Variants in UGT1A7 observed in about 807,000 individuals in gnomAD.
UGT1A7 encodes UDP glucuronosyltransferase family 1 member A7.
UGT1A7 carries 33 observed loss-of-function variants against 45.6 expected under a neutral mutation model. The ratio of observed to expected loss-of-function variants is 0.72; its 90% confidence interval spans 0.55 to 0.97. UGT1A7 has a LOEUF of 0.97. Ranked by LOEUF, UGT1A7 falls within the 50% of genes least tolerant of loss-of-function variation. The pLI, the probability that UGT1A7 is intolerant of heterozygous loss-of-function variation, is 0.00. For synonymous variants in UGT1A7, 274 were observed against 250.6 expected (o/e 1.09, Z -0.88); for missense variants, 684 against 666.2 (o/e 1.03, Z -0.29).
At chr2:233,764,986 G>A (rs1698720585) in intron 1 of UGT1A7, among the ~76,000 whole-genome samples, 1 of 152,106 alleles carries the variant, frequency 6.6e-6, no homozygotes. Flanking sequence ...CAGTGTCTGG[G>A]GCTTTCCTGG....
At chr2:233,758,385 T>C (rs1230615266) in intron 1 of UGT1A7, among the ~76,000 whole-genome samples, 2 of 152,262 alleles carry the variant, frequency 1.3e-5, no homozygotes, top group Admixed American at 6.5e-5. Flanking sequence ...TGGTGACTTA[T>C]GTGTTTATAG....
At chr2:233,708,257 A>G (rs2076010533) in intron 1 of UGT1A7, among the ~76,000 whole-genome samples, 1 of 152,194 alleles carries the variant, frequency 6.6e-6, no homozygotes, top group Admixed American at 6.5e-5. Flanking sequence ...ACTTTCCTTC[A>G]TATCCTTGCC....
intron 1 of UGT1A7, chr2:233,713,287 C>T (rs28946880): frequency 3.7e-6 from 6 of 1,614,228 alleles, no homozygotes; most frequent in Non-Finnish European, 5.1e-6. Context: ...CACACTCAAT[C>T]GTTCTTTGAA....
chr2:233,692,825 T>A, intron 1 of UGT1A7: 1 of 1,437,362 alleles, frequency 7.0e-7, no homozygotes, highest in South Asian at 1.5e-5. Flanking sequence ...ATTAACCATG[T>A]GATTAAAATG....
chr2:233,767,788 G>T, intron 2 of UGT1A7, 61 bp from the exon 3 acceptor site: 1 of 1,613,882 alleles, frequency 6.2e-7, no homozygotes, highest in Non-Finnish European at 8.5e-7. Flanking sequence ...TAGTATAGCA[G>T]ATTTGTTTTC....
intron 1 of UGT1A7, among the ~76,000 whole-genome samples, chr2:233,710,022 G>A (rs190818817): frequency 8.5e-5 from 13 of 152,274 alleles, no homozygotes; most frequent in Admixed American, 1.3e-4. Context: ...AAACACACAG[G>A]TATACTGTTT....
At chr2:233,754,740 A>G (rs1278383852) in intron 1 of UGT1A7, 2 of 687,602 alleles carry the variant, frequency 2.9e-6, no homozygotes, top group Admixed American at 2.3e-5. Flanking sequence ...ACCGTAGGAC[A>G]TGCAGAAGGA....
intron 1 of UGT1A7, among the ~76,000 whole-genome samples, chr2:233,710,138 A>G (rs1223518956): frequency 6.6e-6 from 1 of 152,228 alleles, no homozygotes; most frequent in Non-Finnish European, 1.5e-5. Context: ...ATTTCATTGT[A>G]TAGATATATC....
chr2:233,762,168 C>A (rs986737504), intron 1 of UGT1A7, among the ~76,000 whole-genome samples: 2 of 152,090 alleles, frequency 1.3e-5, no homozygotes, highest in African/African-American at 2.4e-5. Flanking sequence ...CCACTGTATG[C>A]GGCGTCCTCA....
chr2:233,690,590 A>G (rs1355612466), intron 1 of UGT1A7: 10 of 1,004,022 alleles, frequency 1.0e-5, no homozygotes, highest in East Asian at 7.1e-5. Flanking sequence ...ATCCCTGAGA[A>G]AAAAAAAAAA....
At chr2:233,716,482 AG>A (rs1254204118) in intron 1 of UGT1A7, among the ~76,000 whole-genome samples, 1 of 152,104 alleles carries the variant, frequency 6.6e-6, no homozygotes, top group East Asian at 1.9e-4. Flanking sequence ...TGTCCTCCGT[AG>A]TCTTCTATTC....
At chr2:233,712,032 A>G (rs564582261) in intron 1 of UGT1A7, among the ~76,000 whole-genome samples, 2 of 152,204 alleles carry the variant, frequency 1.3e-5, no homozygotes, top group Non-Finnish European at 2.9e-5. Flanking sequence ...TTGGTGCTGG[A>G]TTGACTTGGA....
At chr2:233,700,065 T>C (rs185747292) in intron 1 of UGT1A7, among the ~76,000 whole-genome samples, 116 of 152,320 alleles carry the variant, frequency 7.6e-4, no homozygotes, top group African/African-American at 2.7e-3. Context: ...TCCAGTGGTG[T>C]CTACCCAGCA....
intron 1 of UGT1A7, among the ~76,000 whole-genome samples, chr2:233,698,008 G>A (rs556681308): frequency 6.6e-6 from 1 of 152,082 alleles, no homozygotes; most frequent in Non-Finnish European, 1.5e-5. Context: ...TATCATTTCT[G>A]CACATTGGTA....
intron 4 of UGT1A7, 78 bp from the exon 5 acceptor site, chr2:233,772,184 T>C (rs1700476163): frequency 6.3e-7 from 1 of 1,591,636 alleles, no homozygotes; most frequent in East Asian, 2.3e-5. Context: ...GTAGTCTTCT[T>C]AAGCAGCCAT....
chr2:233,692,242 TA>T (rs2075086970), intron 1 of UGT1A7: 1 of 152,356 alleles, frequency 6.6e-6, no homozygotes, highest in Non-Finnish European at 1.5e-5. Context: ...TCCATGGCCA[TA>T]CCCCCATATC....
chr2:233,691,433 A>C, intron 1 of UGT1A7: 2 of 985,600 alleles, frequency 2.0e-6, no homozygotes, highest in Non-Finnish European at 2.4e-6. Context: ...CATGTTGCTC[A>C]GGCTTCTTCT....
intron 1 of UGT1A7, among the ~76,000 whole-genome samples, chr2:233,695,299 C>T (rs532715794): frequency 2.6e-4 from 40 of 151,824 alleles, no homozygotes; most frequent in African/African-American, 8.9e-4. Context: ...CTAATTTTTG[C>T]ATTTTTAGTA....
chr2:233,760,737 G>A (rs561827445), intron 1 of UGT1A7: 10 of 1,614,138 alleles, frequency 6.2e-6, no homozygotes, highest in South Asian at 4.4e-5. Context: ...TCATGCTGAC[G>A]GACCCTTTCC....
Sources: allele counts gnomAD v4.1 joint callset (sites outside exome capture counted in the v4.1 genomes callset), GRCh38; gene constraint gnomAD v4.1.1; transcripts MANE v1.5; gene names NCBI Gene and HGNC (gene_info 2026-07-23, HGNC 2026-07-21).